FBXL7: variants seen among roughly 807,000 people sequenced by gnomAD.
The protein encoded by FBXL7 is F-box/LRR-repeat protein 7.
In FBXL7, 12 loss-of-function variants were observed where a neutral mutation model predicts 38.3. The observed-to-expected ratio is 0.31, with a 90% CI of 0.20 to 0.51. The LOEUF (loss-of-function observed/expected upper bound fraction) is 0.51. Among genes scored for constraint, FBXL7 ranks in the 20% least tolerant of loss-of-function variants. The probability of loss-of-function intolerance (pLI) is 0.98; values close to 1 mark genes in which losing one functional copy is unlikely to be tolerated. For missense variants in FBXL7, 567 were observed against 676.4 expected (o/e 0.84, Z 1.79); for synonymous variants, 297 against 300.9 (o/e 0.99, Z 0.13).
At position 15,863,954 on chromosome 5, in the gene FBXL7, C is replaced by T. The variant is rs114071598; in HGVS notation, c.128-63936C>T. Among the ~76,000 whole-genome samples the T allele has an allele frequency of 5.5e-3, 836 of 152,232 alleles. 5 individuals are homozygous for T. Among genetic ancestry groups the T allele is most frequent in the African/African-American group, 0.019 (791 of 41,534 alleles). ...CAATTCTAGAGTTGTAGGTGGTTCC[C>T]TATCACTGATAGTCTATTGACTAGA... On this transcript the variant is annotated intron_variant, in intron 2 of 3. Transcript: ENST00000504595.
rs1381773543 is a variant in FBXL7 at position 15,740,668 on chromosome 5, TC to T, written c.127+124600del. On this transcript the variant is annotated intron_variant, in intron 2 of 3. Transcript: ENST00000504595. The stretch of plus-strand genomic sequence containing the variant: ...GGCAAATGGTTGTGTTTTTTTCCAG[TC>T]CCCTTAAATCCTTACCTTTTTTAAA... Among the ~76,000 whole-genome samples, 98 of 152,322 alleles carry T rather than the reference TC, an allele frequency of 6.4e-4. 1 individual carries two copies. The highest frequency in any genetic ancestry group is 6.4e-3 in the Admixed American group (98 of 15,304).
intron 1 of FBXL7, among the ~76,000 whole-genome samples, chr5:15,571,367 C>T (rs922195398): frequency 6.6e-6 from 1 of 152,094 alleles, no homozygotes; most frequent in African/African-American, 2.4e-5. Flanking sequence ...TCTCCAAAAA[C>T]TTCTAAACCT....
At chr5:15,799,823 G>T (rs888210925) in intron 2 of FBXL7, among the ~76,000 whole-genome samples, 2 of 152,162 alleles carry the variant, frequency 1.3e-5, no homozygotes, top group Non-Finnish European at 1.5e-5. Context: ...CTCTCTTGGG[G>T]TTTCATTGGT....
intron 1 of FBXL7, chr5:15,501,805 C>T: frequency 2.1e-6 from 2 of 941,340 alleles, no homozygotes; most frequent in Non-Finnish European, 2.5e-6. Context: ...CCACAAGAAC[C>T]TTTTCTTTAA....
chr5:15,935,890 G>A (rs1322945359), intron 3 of FBXL7, among the ~76,000 whole-genome samples: 1 of 152,180 alleles, frequency 6.6e-6, no homozygotes, highest in Non-Finnish European at 1.5e-5. Context: ...GCAACGTTAA[G>A]CCTCCTGCCT....
intron 2 of FBXL7, among the ~76,000 whole-genome samples, chr5:15,754,588 A>T (rs1736242164): frequency 6.6e-6 from 1 of 152,240 alleles, no homozygotes; most frequent in Non-Finnish European, 1.5e-5. Context: ...CAACCAATAA[A>T]TGCCACTTGC....
intron 2 of FBXL7, among the ~76,000 whole-genome samples, chr5:15,743,697 C>A (rs1305857853): frequency 1.3e-5 from 2 of 152,198 alleles, no homozygotes; most frequent in East Asian, 1.9e-4. Context: ...TGTTGGTGGT[C>A]CAATCCCACA....
chr5:15,880,222 GT>G (rs1197053986), intron 2 of FBXL7, among the ~76,000 whole-genome samples: 1 of 152,184 alleles, frequency 6.6e-6, no homozygotes, highest in Non-Finnish European at 1.5e-5. Flanking sequence ...TTCTTCTCAT[GT>G]TTAGCTTGCA....
intron 2 of FBXL7, among the ~76,000 whole-genome samples, chr5:15,851,331 C>T (rs770386771): frequency 2.6e-5 from 4 of 152,102 alleles, no homozygotes; most frequent in Non-Finnish European, 5.9e-5. Context: ...AAGTTGAAAA[C>T]AGATATTCTC....
At chr5:15,521,315 C>T (rs1450023356) in intron 1 of FBXL7, among the ~76,000 whole-genome samples, 1 of 152,170 alleles carries the variant, frequency 6.6e-6, no homozygotes, top group Non-Finnish European at 1.5e-5. Flanking sequence ...GATGCTGTTG[C>T]TTTCTTGATC....
At chr5:15,736,125 A>G (rs1735741929) in intron 2 of FBXL7, among the ~76,000 whole-genome samples, 2 of 152,160 alleles carry the variant, frequency 1.3e-5, no homozygotes, top group Middle Eastern at 3.2e-3. Context: ...GAACTTTTGT[A>G]TTTTTAAATG....
At chr5:15,766,644 G>A (rs1736598607) in intron 2 of FBXL7, among the ~76,000 whole-genome samples, 1 of 152,180 alleles carries the variant, frequency 6.6e-6, no homozygotes, top group African/African-American at 2.4e-5. Context: ...TTTTAAACTT[G>A]ACTTTCATTA....
chr5:15,914,003 A>G (rs764201955), intron 2 of FBXL7, among the ~76,000 whole-genome samples: 4 of 152,208 alleles, frequency 2.6e-5, no homozygotes, highest in Non-Finnish European at 4.4e-5. Context: ...CTAAATTTCA[A>G]CAGTAGAGAT....
chr5:15,667,326 G>A (rs912316659), intron 2 of FBXL7, among the ~76,000 whole-genome samples: 3 of 152,158 alleles, frequency 2.0e-5, no homozygotes, highest in East Asian at 3.9e-4. Context: ...ACTGTCTGAA[G>A]TAGGCAGACA....
chr5:15,696,313 T>C (rs914031709), intron 2 of FBXL7, among the ~76,000 whole-genome samples: 1 of 152,230 alleles, frequency 6.6e-6, no homozygotes, highest in African/African-American at 2.4e-5. Context: ...AAGTTGTCTT[T>C]CTAAATGTCC....
chr5:15,883,519 C>G (rs1271538374), intron 2 of FBXL7, among the ~76,000 whole-genome samples: 1 of 152,134 alleles, frequency 6.6e-6, no homozygotes, highest in Non-Finnish European at 1.5e-5. Context: ...GGTTTTATAA[C>G]ACCAAATTGG....
chr5:15,594,271 G>A (rs1007428689), intron 1 of FBXL7, among the ~76,000 whole-genome samples: 3 of 152,186 alleles, frequency 2.0e-5, no homozygotes, highest in Admixed American at 6.5e-5. Context: ...TTCATTGAAC[G>A]TGGAGGGCGG....
intron 1 of FBXL7, among the ~76,000 whole-genome samples, chr5:15,516,900 G>C (rs530271808): frequency 1.6e-4 from 25 of 152,324 alleles, no homozygotes; most frequent in African/African-American, 5.5e-4. Context: ...CAGCTATGCT[G>C]AACTGTGAGT....
intron 1 of FBXL7, among the ~76,000 whole-genome samples, chr5:15,520,676 A>T (rs1018572486): frequency 6.6e-5 from 10 of 152,232 alleles, no homozygotes; most frequent in Non-Finnish European, 1.2e-4. Flanking sequence ...AACGGGAAAT[A>T]TTTCCGATAT....
Sources: allele counts gnomAD v4.1 joint callset (sites outside exome capture counted in the v4.1 genomes callset), GRCh38; gene constraint gnomAD v4.1.1; transcripts MANE v1.5; gene names NCBI Gene and HGNC (gene_info 2026-07-23, HGNC 2026-07-21).